Variants in XPNPEP3 observed in about 807,000 individuals in gnomAD.
XPNPEP3 encodes xaa-Pro aminopeptidase 3.
In XPNPEP3, 41 loss-of-function variants were observed where a neutral mutation model predicts 60.0. The ratio of observed to expected loss-of-function variants is 0.68; its 90% CI spans 0.53 to 0.89. The LOEUF is 0.89. Among genes scored for constraint, XPNPEP3 ranks in the 40% least tolerant of loss-of-function variants. The pLI, the probability that XPNPEP3 is intolerant of heterozygous loss-of-function variation, is 0.00. For missense variants in XPNPEP3, 598 were observed against 638.9 expected (o/e 0.94, Z 0.69); for synonymous variants, 212 against 223.2 (o/e 0.95, Z 0.45).
rs149894007 is a variant in XPNPEP3 at position 40,888,864 on chromosome 22, C to G, written c.792+2349C>G. Among the ~76,000 whole-genome samples the G allele has an allele frequency of 4.3e-3, 657 of 152,246 alleles. 3 individuals are homozygous for G. Among genetic ancestry groups the G allele is most frequent in the African/African-American group, 0.015 (614 of 41,548 alleles). On this transcript the variant is annotated intron_variant, in intron 4 of 9. Transcript: ENST00000357137. ...CGCACCAAGGGTTTCAATTTCTCCA[C>G]TCTACACCAACATTTGTTCTGTTTT... is the stretch of plus-strand genomic sequence containing the variant.
intron 1 of XPNPEP3, chr22:40,861,224 TAC>T (rs774868899): frequency 1.2e-6 from 2 of 1,614,060 alleles, no homozygotes; most frequent in Non-Finnish European, 1.7e-6. Context: ...TATATTGAGA[TAC>T]ATGTTTGGAG....
intron 2 of XPNPEP3, among the ~76,000 whole-genome samples, chr22:40,873,016 T>G (rs1248636668): frequency 6.6e-6 from 1 of 151,792 alleles, no homozygotes; most frequent in East Asian, 1.9e-4. Flanking sequence ...AAAGGGCTAC[T>G]CAGGGAGTTG....
chr22:40,877,335 A>C (rs2058031429), intron 2 of XPNPEP3, among the ~76,000 whole-genome samples: 1 of 152,226 alleles, frequency 6.6e-6, no homozygotes, highest in Non-Finnish European at 1.5e-5. Context: ...AATATTAAGC[A>C]GACTTCTTTT....
chr22:40,918,054 T>C (rs1601520167), intron 7 of XPNPEP3, among the ~76,000 whole-genome samples: 1 of 125,090 alleles, frequency 8.0e-6, no homozygotes, highest in African/African-American at 2.9e-5. Flanking sequence ...TACACACAAA[T>C]AAAAAAAATC....
chr22:40,918,904 G>A (rs1193462540), intron 7 of XPNPEP3, among the ~76,000 whole-genome samples: 7 of 148,722 alleles, frequency 4.7e-5, no homozygotes, highest in East Asian at 4.0e-4. Flanking sequence ...GTGCAGTGGC[G>A]CAATCTTGGC....
chr22:40,895,144 G>A (rs986415347), intron 4 of XPNPEP3, among the ~76,000 whole-genome samples: 3 of 151,980 alleles, frequency 2.0e-5, no homozygotes, highest in Non-Finnish European at 4.4e-5. Context: ...GGCATCCATG[G>A]GCAAATAATT....
At chr22:40,889,856 A>AT (rs2058082351) in intron 4 of XPNPEP3, among the ~76,000 whole-genome samples, 1 of 152,128 alleles carries the variant, frequency 6.6e-6, no homozygotes, top group Admixed American at 6.5e-5. Context: ...GAATCCAAAC[A>AT]TTTACAATGA....
intron 4 of XPNPEP3, among the ~76,000 whole-genome samples, chr22:40,893,095 T>C (rs2058094370): frequency 6.8e-6 from 1 of 147,252 alleles, no homozygotes; most frequent in Non-Finnish European, 1.5e-5. Context: ...ATATATTTAG[T>C]TTATATATAA....
At chr22:40,909,280 C>A in intron 6 of XPNPEP3, 45 bp downstream of exon 6, 1 of 1,509,262 alleles carries the variant, frequency 6.6e-7, no homozygotes, top group Non-Finnish European at 9.2e-7. Context: ...GTCCAGATAG[C>A]CTAGTAGAAA....
chr22:40,893,505 CAA>C (rs764114832), intron 4 of XPNPEP3, among the ~76,000 whole-genome samples: 4 of 40,248 alleles, frequency 9.9e-5, no homozygotes, highest in Admixed American at 2.6e-4. Context: ...AACTCTATCT[CAA>C]AAAAAAAAAA....
Position 40,913,699 on chromosome 22 carries a change from G to A in XPNPEP3, c.970-540G>A, listed in dbSNP as rs1401396514. On this transcript the variant is annotated intron_variant, in intron 6 of 9. Transcript: ENST00000357137. ...CAAAGCCTATACACTGAAACACCAC[G>A]CATTGCCAACTTTCTTGTGGCAGGG... 3.9e-5 allele frequency among the ~76,000 whole-genome samples: 6 copies of A among 152,116 alleles called. No individual in the cohort carries two copies. The South Asian group carries it at 6.2e-4, about 16-fold the overall frequency.
At chr22:40,868,612 T>C (rs1010819523) in intron 1 of XPNPEP3, among the ~76,000 whole-genome samples, 1 of 152,098 alleles carries the variant, frequency 6.6e-6, no homozygotes, top group Non-Finnish European at 1.5e-5. Context: ...CCCAACACTT[T>C]GGGAGGCCGA....
intron 1 of XPNPEP3, chr22:40,861,081 G>A: frequency 1.3e-6 from 2 of 1,589,418 alleles, no homozygotes; most frequent in Non-Finnish European, 1.7e-6. Context: ...ATTCCTTTTG[G>A]TAGACTTCTT....
chr22:40,893,377 A>T (rs1302994087), intron 4 of XPNPEP3, among the ~76,000 whole-genome samples: 1 of 149,956 alleles, frequency 6.7e-6, no homozygotes, highest in Non-Finnish European at 1.5e-5. Flanking sequence ...ATGGTGGCAC[A>T]TACCTGTAAT....
chr22:40,913,424 C>A (rs1166089908), intron 6 of XPNPEP3, among the ~76,000 whole-genome samples: 13 of 135,082 alleles, frequency 9.6e-5, no homozygotes, highest in African/African-American at 2.8e-4. Flanking sequence ...GGCAACAGAG[C>A]AAGACTCTGT....
At chr22:40,874,882 C>T (rs529922371) in intron 2 of XPNPEP3, among the ~76,000 whole-genome samples, 1 of 152,294 alleles carries the variant, frequency 6.6e-6, no homozygotes, top group East Asian at 1.9e-4. Flanking sequence ...AATGTGCCTT[C>T]CACATGCCTC....
chr22:40,909,276 A>T, intron 6 of XPNPEP3, 41 bp downstream of exon 6: 1 of 1,510,862 alleles, frequency 6.6e-7, no homozygotes. Flanking sequence ...CTAGGTCCAG[A>T]TAGCCTAGTA....
chr22:40,910,484 C>G (rs1445513820), intron 6 of XPNPEP3, among the ~76,000 whole-genome samples: 1 of 151,802 alleles, frequency 6.6e-6, no homozygotes, highest in African/African-American at 2.4e-5. Flanking sequence ...GTGGGCAGAT[C>G]CCTTGAATGC....
chr22:40,906,414 C>G (rs1303102105), intron 4 of XPNPEP3, among the ~76,000 whole-genome samples: 1 of 143,644 alleles, frequency 7.0e-6, no homozygotes, highest in African/African-American at 2.7e-5. Context: ...GAGTGAGACT[C>G]TGTCTCAAAA....
Sources: gnomAD v4.1 joint callset for allele counts (sites outside exome capture counted in the v4.1 genomes callset) on GRCh38, gnomAD v4.1.1 for gene constraint, MANE v1.5 for transcripts, NCBI Gene and HGNC (gene_info 2026-07-23, HGNC 2026-07-21) for gene names.